DLGAP3: variants seen among roughly 807,000 people sequenced by gnomAD.
DLGAP3 encodes disks large-associated protein 3.
Under a neutral mutation model 81.2 loss-of-function variants are expected in DLGAP3, and 17 were observed. That is an observed-to-expected ratio of 0.21 (90% confidence interval 0.14 to 0.31). DLGAP3 has a LOEUF of 0.31. DLGAP3 is among the 10% of genes least tolerant of loss of function. DLGAP3 has a pLI of 1.00. For synonymous variants in DLGAP3, 577 were observed against 587.4 expected (o/e 0.98, Z 0.26); for missense variants, 1,124 against 1,388.0 (o/e 0.81, Z 3.02).
At chr1:34,907,848 G>A (rs1439032827) in intron 1 of DLGAP3, among the ~76,000 whole-genome samples, 1 of 152,126 alleles carries the variant, frequency 6.6e-6, no homozygotes, top group Non-Finnish European at 1.5e-5. Flanking sequence ...AGTCTAACAG[G>A]GGAACAACCT....
In DLGAP3 at chr1:34,905,174, C is replaced by A. The variant is rs748045752; in HGVS notation, c.210G>T (p.Ser70=). Residue 70 remains serine, a synonymous_variant, in exon 3 of 12, where the codon TCG becomes TCT. Transcript: ENST00000373347. ...EGPLSLSEGP[S]VGPEGGPAGA... is the part of the protein sequence containing the mutation. ...CCGCTGGCCCTCCCTCAGGGCCTAC[C>A]GACGGCCCCTCACTCAGGCTCAGGG... The A allele has an allele frequency of 1.3e-6, 2 of 1,576,516 alleles. No homozygotes were observed. The highest frequency in any genetic ancestry group is 2.7e-5 in the African/African-American group (2 of 74,366).
At chr1:34,886,943 CTT>C (rs949966445) in intron 5 of DLGAP3, among the ~76,000 whole-genome samples, 24 of 64,302 alleles carry the variant, frequency 3.7e-4, no homozygotes, top group South Asian at 1.8e-3. Context: ...CCCCCACCTT[CTT>C]TTTTTTTTTT....
In DLGAP3 at chr1:34,885,606, C is replaced by G. The variant is rs1639209051; in HGVS notation, c.1786G>C (p.Glu596Gln). The change falls in exon 7 of 12, where the codon GAG (glutamate) becomes CAG (glutamine). Residue 596 changes from glutamate to glutamine, a missense_variant. Physicochemically the swap from Glu to Gln is conservative, Grantham distance 29. Coordinates refer to ENST00000373347, the MANE Select transcript of DLGAP3 (RefSeq NM_001080418.3). ...GCCCGGGGCGGCACCGGCGCCAACTCCAGTGTGCGCGCACCCATGGCGGGG... is the reference window on the plus strand; with the variant it reads ...GCCCGGGGCGGCACCGGCGCCAACTGCAGTGTGCGCGCACCCATGGCGGGG... Reference protein sequence around the residue: ...DGPAMGARTLELAPVPPRASP... With the variant: ...DGPAMGARTLQLAPVPPRASP... The G allele has an allele frequency of 1.3e-6, 2 of 1,581,860 alleles. No homozygotes were observed. Among genetic ancestry groups the G allele is most frequent in the African/African-American group, 2.7e-5 (2 of 74,636 alleles).
chr1:34,865,726 A>C lies in DLGAP3; in HGVS notation c.*357T>G. 1.6e-5 allele frequency: 5 copies of C among 311,990 alleles called. No homozygotes were observed. Among genetic ancestry groups the C allele is most frequent in the East Asian group, 1.0e-4 (1 of 9,932 alleles). The allele number at this position is 311,990 out of a possible 1,614,324, so 19.3% of individuals were successfully genotyped here. A position where few individuals can be genotyped will look rare whatever the true frequency, so the allele number is the denominator to read the frequency against. On this transcript the variant is annotated 3_prime_UTR_variant, in exon 12 of 12. Coordinates refer to ENST00000373347, the MANE Select transcript of DLGAP3 (RefSeq NM_001080418.3). Reference sequence around the variant, plus strand: ...GAAGCCCAGCCCCGCGGGGTGGGGGAGGGGGGGACGCAGAGCCCAGATGAG... The same window carrying C: ...GAAGCCCAGCCCCGCGGGGTGGGGGCGGGGGGGACGCAGAGCCCAGATGAG...
In DLGAP3 at chr1:34,868,615, T is replaced by C. The variant is rs755514100; in HGVS notation, c.2475A>G (p.Leu825=). ...GATGCCGTGACTCACTCTCCTCGGG[T>C]AGCTCATAGTCCTCCGCCTCACGCT... ...QMEREAEDYE[L]PEEILEKIRS... Residue 825 remains leucine (L), a synonymous_variant, in exon 9 of 12, where the codon CTA becomes CTG. Coordinates refer to ENST00000373347, the MANE Select transcript of DLGAP3 (RefSeq NM_001080418.3). The surrounding 1 kb of genome is among the most constrained non-coding windows in gnomAD (Gnocchi z 7.5). 2 of 1,612,864 alleles carry C rather than the reference T, an allele frequency of 1.2e-6. No individual in the cohort carries two copies. Among genetic ancestry groups the C allele is most frequent in the Non-Finnish European group, 1.7e-6 (2 of 1,179,882 alleles).
At position 34,900,120 on chromosome 1, in the gene DLGAP3, C is replaced by A. The variant is rs760752627; in HGVS notation, c.1261G>T (p.Ala421Ser). The A allele has an allele frequency of 1.2e-6, 2 of 1,613,956 alleles. No individual in the cohort carries two copies. Among genetic ancestry groups the A allele is most frequent in the South Asian group, 1.1e-5 (1 of 91,078 alleles). ...GSPKTSPKAV[A>S]RRFTTRRSSS... is the part of the protein sequence containing the mutation. ...GAGCGACGGGTGGTGAAGCGTCGGG[C>A]GACTGCTTTGGGAGATGTCTTGGGG... Residue 421 changes from alanine to serine, a missense_variant, in exon 4 of 12, where the codon GCC becomes TCC. Around this residue, in one of 9 missense-constraint regions of DLGAP3, gnomAD observed 357 missense variants for 408.8 expected, o/e 0.87. Coordinates refer to ENST00000373347, the MANE Select transcript of DLGAP3 (RefSeq NM_001080418.3). The surrounding 1 kb of genome is among the most constrained non-coding windows in gnomAD (Gnocchi z 5.6).
At chr1:34,879,007 G>A (rs1449408673) in intron 8 of DLGAP3, among the ~76,000 whole-genome samples, 1 of 151,424 alleles carries the variant, frequency 6.6e-6, no homozygotes, top group East Asian at 1.9e-4. Flanking sequence ...AGGAGGCGGA[G>A]CTTGCAGTGA....
Position 34,868,928 on chromosome 1 carries a change from C to T in DLGAP3, c.2162G>A (p.Arg721Gln), listed in dbSNP as rs772709051. Reference sequence around the variant, plus strand: ...GCGGAAGACTGAGTAGGTGGGGGCCCGGGGCCCAGGCTGGGGCTCAGAGGC... The same window carrying T: ...GCGGAAGACTGAGTAGGTGGGGGCCTGGGGCCCAGGCTGGGGCTCAGAGGC... ...RHASEPQPGP[R>Q]APTYSVFRTV... Residue 721 changes from arginine (R) to glutamine (Q), a missense_variant, in exon 9 of 12, where the codon CGG (arginine) becomes CAG (glutamine). Transcript: ENST00000373347. The surrounding 1 kb of genome is among the most constrained non-coding windows in gnomAD (Gnocchi z 7.5). The T allele has an allele frequency of 8.7e-6, 14 of 1,609,008 alleles. No individual in the cohort carries two copies. Among genetic ancestry groups the T allele is most frequent in the East Asian group, 2.2e-5 (1 of 44,858 alleles).
intron 1 of DLGAP3, among the ~76,000 whole-genome samples, chr1:34,924,789 G>C (rs1207314174): frequency 1.3e-5 from 2 of 152,320 alleles, no homozygotes; most frequent in Admixed American, 1.3e-4. Flanking sequence ...AAGGGGAGAG[G>C]GGCCCCTTGG....
At chr1:34,926,304 T>G (rs1036228495) in intron 1 of DLGAP3, among the ~76,000 whole-genome samples, 3 of 152,162 alleles carry the variant, frequency 2.0e-5, no homozygotes, top group African/African-American at 7.2e-5. Context: ...AGATGCTGCA[T>G]GGAGCCCAGG....
rs1318878279 is a variant in DLGAP3 at position 34,873,800 on chromosome 1, G to A, written c.2001-4711C>T. Among the ~76,000 whole-genome samples the A allele has an allele frequency of 6.6e-6, 1 of 151,690 alleles. No homozygotes were observed. The highest frequency in any genetic ancestry group is 1.5e-5 in the Non-Finnish European group (1 of 67,998). On this transcript the variant is annotated intron_variant, in intron 8 of 11. Transcript: ENST00000373347. This position sits in a 1 kb window ranked among gnomAD's most constrained non-coding sequence, Gnocchi z 4.2. ...CATAAGTGTCTCCTCACTAAATAGG[G>A]CAGTTCATCACACTGGTTGGTTGGT...
At chr1:34,880,952 T>A (rs540476040) in intron 8 of DLGAP3, among the ~76,000 whole-genome samples, 1 of 152,320 alleles carries the variant, frequency 6.6e-6, no homozygotes, top group East Asian at 1.9e-4. Context: ...CAGGCATAGA[T>A]AATTTTATAG....
chr1:34,874,706 A>G (rs1015144024), intron 8 of DLGAP3, among the ~76,000 whole-genome samples: 7 of 152,244 alleles, frequency 4.6e-5, no homozygotes, highest in African/African-American at 1.7e-4. Flanking sequence ...GGGGGATAAC[A>G]TAAAAGCCTC....
chr1:34,896,057 T>C (rs572111099), intron 5 of DLGAP3, among the ~76,000 whole-genome samples: 58 of 152,302 alleles, frequency 3.8e-4, no homozygotes, highest in Non-Finnish European at 7.6e-4. Flanking sequence ...GACAAAGATT[T>C]CTTAAATTTT....
chr1:34,903,184 A>T, intron 3 of DLGAP3, among the ~76,000 whole-genome samples: 2 of 152,060 alleles, frequency 1.3e-5, no homozygotes, highest in South Asian at 4.2e-4. Flanking sequence ...AACAACTGCA[A>T]CTCCTCCACT....
chr1:34,904,629 C>T lies in DLGAP3; in HGVS notation c.755G>A (p.Arg252Gln), dbSNP rs929258984. 1 of 1,614,198 alleles carries T rather than the reference C, an allele frequency of 6.2e-7. No homozygotes were observed. Among genetic ancestry groups the T allele is most frequent in the Non-Finnish European group, 8.5e-7 (1 of 1,180,048 alleles). The change falls in exon 3 of 12, where the codon CGG becomes CAG. Residue 252 changes from arginine to glutamine, a missense_variant. This residue lies in a region of DLGAP3 where 357 missense variants were observed against 408.8 expected (regional missense o/e 0.87). Coordinates refer to ENST00000373347, the MANE Select transcript of DLGAP3 (RefSeq NM_001080418.3). The surrounding 1 kb of genome is among the most constrained non-coding windows in gnomAD (Gnocchi z 8.1). ...CCAGCCTGTGGACTTGGCCTGGTGC[C>T]GCCCATCCCCCTTGCGGTCCTTGCT... ...SKSKDRKGDGRHQAKSTGWWS... is the reference protein window; with the variant it reads ...SKSKDRKGDGQHQAKSTGWWS...
chr1:34,914,293 G>C (rs576191440), intron 1 of DLGAP3, among the ~76,000 whole-genome samples: 1 of 152,302 alleles, frequency 6.6e-6, no homozygotes, highest in Non-Finnish European at 1.5e-5. Context: ...ACTGCTTCCA[G>C]CCTTTTCTCA....
chr1:34,897,347 G>A (rs905460365), intron 5 of DLGAP3, among the ~76,000 whole-genome samples: 3 of 152,186 alleles, frequency 2.0e-5, no homozygotes, highest in Admixed American at 1.3e-4. Context: ...AAGGGGAATA[G>A]GAAATGTTGG....
chr1:34,898,721 C>T (rs2148408768), intron 5 of DLGAP3, among the ~76,000 whole-genome samples: 2 of 152,338 alleles, frequency 1.3e-5, no homozygotes, highest in Middle Eastern at 6.8e-3. Context: ...TGCCCCAGGT[C>T]AGTCAGCTGG....
Sources: gnomAD v4.1 joint callset for allele counts (sites outside exome capture counted in the v4.1 genomes callset) on GRCh38, gnomAD v4.1.1 for gene constraint, gnomAD v4.1.1 regional missense constraint, Gnocchi (gnomAD v3.1) non-coding constraint, MANE v1.5 for transcripts, NCBI Gene and HGNC (gene_info 2026-07-23, HGNC 2026-07-21) for gene names.